SLC25A21: variants seen among roughly 807,000 people sequenced by gnomAD.
SLC25A21 encodes solute carrier family 25 member 21.
A neutral mutation model predicts 43.8 loss-of-function variants in SLC25A21; 47 were observed. The ratio of observed to expected loss-of-function variants is 1.07; its 90% CI spans 0.85 to 1.37. The LOEUF (loss-of-function observed/expected upper bound fraction) is 1.37. Ranked by LOEUF, SLC25A21 falls within the 40% of genes most tolerant of loss-of-function variation. The pLI is 0.00. For missense variants in SLC25A21, 352 were observed against 350.2 expected, an observed-to-expected ratio of 1.00 and a Z score of -0.04; for synonymous variants, 131 against 121.3, an observed-to-expected ratio of 1.08 and a Z score of -0.52.
At chr14:36,708,280 A>G in intron 7 of SLC25A21, among the ~76,000 whole-genome samples, 1 of 152,208 alleles carries the variant, frequency 6.6e-6, no homozygotes, top group Non-Finnish European at 1.5e-5. Flanking sequence ...TCTTTTATTT[A>G]AAGATTTAGA....
At chr14:37,143,853 T>C (rs1163773092) in intron 1 of SLC25A21, among the ~76,000 whole-genome samples, 3 of 152,174 alleles carry the variant, frequency 2.0e-5, no homozygotes, top group Non-Finnish European at 2.9e-5. Context: ...AAGGCACAGT[T>C]TGGAATCTAT....
intron 1 of SLC25A21, among the ~76,000 whole-genome samples, chr14:37,161,962 C>A (rs1378750923): frequency 2.0e-3 from 173 of 86,256 alleles, no homozygotes; most frequent in African/African-American, 4.1e-3. Flanking sequence ...GACTCCGTCT[C>A]AAAAAAAAAA....
intron 1 of SLC25A21, among the ~76,000 whole-genome samples, chr14:36,951,960 T>C (rs1052335287): frequency 6.6e-6 from 1 of 152,054 alleles, no homozygotes; most frequent in African/African-American, 2.4e-5. Flanking sequence ...TCAGGCAGGG[T>C]GCAGTGGCTC....
intron 1 of SLC25A21, among the ~76,000 whole-genome samples, chr14:36,945,163 T>C (rs1892650649): frequency 6.6e-6 from 1 of 152,156 alleles, no homozygotes; most frequent in South Asian, 2.1e-4. Context: ...CAGCAAAATG[T>C]CCCCATAATC....
chr14:36,939,777 A>C (rs1377528713), intron 1 of SLC25A21, among the ~76,000 whole-genome samples: 6 of 152,154 alleles, frequency 3.9e-5, no homozygotes, highest in African/African-American at 1.4e-4. Context: ...TGGATTCAGA[A>C]GACACAGGAA....
chr14:36,770,449 G>T (rs2138355497), intron 3 of SLC25A21, among the ~76,000 whole-genome samples: 1 of 152,258 alleles, frequency 6.6e-6, no homozygotes, highest in African/African-American at 2.4e-5. Context: ...GGGATCATGT[G>T]TACTACAAAC....
rs527476302 is a variant in SLC25A21, at chr14:36,911,823, T to C, written c.71-36819A>G. 2.6e-5 allele frequency among the ~76,000 whole-genome samples: 4 copies of C among 152,272 alleles called. No individual in the cohort carries two copies. In the East Asian group the frequency reaches 7.8e-4, roughly 30 times the overall value. On this transcript the variant is annotated intron_variant, in intron 1 of 9. Transcript: ENST00000331299. ...AGAGATGATAGAATGGTTGTCACTT[T>C]AAGCTCCTAGGTTTTGGAATGATTT...
At chr14:37,043,194 A>G (rs993034953) in intron 1 of SLC25A21, among the ~76,000 whole-genome samples, 1 of 152,164 alleles carries the variant, frequency 6.6e-6, no homozygotes, top group Non-Finnish European at 1.5e-5. Flanking sequence ...TAGTTCAGAC[A>G]GGACCCATTT....
rs931607419 is a variant in SLC25A21 at position 36,729,454 on chromosome 14, T to G, written c.330+53A>C. On this transcript the variant is annotated intron_variant, in intron 5 of 9. Coordinates refer to ENST00000331299, the MANE Select transcript of SLC25A21 (RefSeq NM_030631.4). ...ATCAAAAGAGTTTTTGTTTCTAGATTTTGCTTTATGAAATAACACACACAT... is the reference window on the plus strand; with the variant it reads ...ATCAAAAGAGTTTTTGTTTCTAGATGTTGCTTTATGAAATAACACACACAT... The G allele has an allele frequency of 1.4e-5, 19 of 1,362,998 alleles. No homozygotes were observed. The Admixed American group carries it at 4.9e-4, about 35-fold the overall frequency. The allele number at this position is 1,362,998 out of a possible 1,614,324, so 84.4% of individuals were successfully genotyped here. A position where few individuals can be genotyped will look rare whatever the true frequency, so the allele number is the denominator to read the frequency against.
intron 2 of SLC25A21, among the ~76,000 whole-genome samples, chr14:36,827,720 A>G (rs1301018532): frequency 6.6e-6 from 1 of 152,228 alleles, no homozygotes; most frequent in Non-Finnish European, 1.5e-5. Flanking sequence ...TCAGTTAACT[A>G]TTAAGAGAGT....
intron 1 of SLC25A21, among the ~76,000 whole-genome samples, chr14:36,918,887 A>C (rs547170062): frequency 5.8e-4 from 88 of 152,190 alleles, no homozygotes; most frequent in African/African-American, 2.0e-3. Context: ...AAGACACATA[A>C]ATTTTTCTTT....
Position 36,679,633 on chromosome 14 carries a change from T to A in SLC25A21, c.*1025A>T. On this transcript the variant is annotated 3_prime_UTR_variant, in exon 10 of 10. Coordinates refer to ENST00000331299, the MANE Select transcript of SLC25A21 (RefSeq NM_030631.4). ...TTTTCAGAACATTTCCCCTTCATCA[T>A]ACATATTTTAATACTGCAGACAGCT... 1.0e-6 allele frequency: 1 copy of A among 985,442 alleles called. No homozygotes were observed. Among genetic ancestry groups the A allele is most frequent in the Non-Finnish European group, 1.2e-6 (1 of 829,910 alleles). 61.0% of individuals were successfully genotyped at this position (985,442 alleles called of 1,614,324 possible).
chr14:36,941,829 T>C (rs1892566199), intron 1 of SLC25A21, among the ~76,000 whole-genome samples: 1 of 151,950 alleles, frequency 6.6e-6, no homozygotes, highest in Non-Finnish European at 1.5e-5. Context: ...TGTGTGAAAA[T>C]AGTGTCTTTA....
intron 1 of SLC25A21, among the ~76,000 whole-genome samples, chr14:37,048,674 G>C (rs777742820): frequency 6.6e-5 from 10 of 152,072 alleles, no homozygotes; most frequent in Non-Finnish European, 1.3e-4. Flanking sequence ...TGGTGTTAAA[G>C]AGAAAGTACA....
chr14:36,899,909 T>C (rs1479115034), intron 1 of SLC25A21, among the ~76,000 whole-genome samples: 1 of 152,162 alleles, frequency 6.6e-6, no homozygotes, highest in Non-Finnish European at 1.5e-5. Context: ...CTGGAGGAAT[T>C]TGTATGAGAG....
chr14:37,144,070 G>T (rs937549778), intron 1 of SLC25A21, among the ~76,000 whole-genome samples: 1 of 152,084 alleles, frequency 6.6e-6, no homozygotes, highest in South Asian at 2.1e-4. Flanking sequence ...CCTTGGGGTC[G>T]AGGGCTTAGA....
intron 3 of SLC25A21, among the ~76,000 whole-genome samples, chr14:36,758,590 C>CAAAAAAAAAA: frequency 1.6e-5 from 2 of 127,700 alleles, no homozygotes; most frequent in Non-Finnish European, 3.2e-5. Flanking sequence ...TCAGCCAGGT[C>CAAAAAAAAAA]AAAAAAAAAA....
intron 2 of SLC25A21, among the ~76,000 whole-genome samples, chr14:36,866,143 T>C (rs1385243422): frequency 2.0e-5 from 3 of 152,108 alleles, no homozygotes; most frequent in African/African-American, 7.2e-5. Context: ...CGGGGTTTCT[T>C]TAAAAATGTT....
Position 36,679,358 on chromosome 14 carries a change from A to C in SLC25A21, c.*1300T>G. 1.0e-6 allele frequency: 1 copy of C among 975,090 alleles called. No homozygotes were observed. The highest frequency in any genetic ancestry group is 1.2e-6 in the Non-Finnish European group (1 of 820,634). The allele number at this position is 975,090 out of a possible 1,614,324, so 60.4% of individuals were successfully genotyped here. ...ATGCTCTAAATTAATAAAAAGTAAT[A>C]ATTACCATGTTATCTTTTACTTTTT... On this transcript the variant is annotated 3_prime_UTR_variant, in exon 10 of 10. Transcript: ENST00000331299.
Sources: gnomAD v4.1 joint callset for allele counts (sites outside exome capture counted in the v4.1 genomes callset) on GRCh38, gnomAD v4.1.1 for gene constraint, MANE v1.5 for transcripts, NCBI Gene and HGNC (gene_info 2026-07-23, HGNC 2026-07-21) for gene names.